KIF5A: variants seen among roughly 807,000 people sequenced by gnomAD.
The protein encoded by KIF5A is kinesin family member 5A.
KIF5A carries 35 observed loss-of-function variants against 141.3 expected under a neutral mutation model. The observed-to-expected ratio is 0.25, with a 90% CI of 0.19 to 0.33. The LOEUF is 0.33. Ranked by LOEUF, KIF5A falls within the 10% of genes least tolerant of loss-of-function variation. The probability of loss-of-function intolerance (pLI) is 1.00; values close to 1 mark genes in which losing one functional copy is unlikely to be tolerated. For synonymous variants in KIF5A, 448 were observed against 500.2 expected (o/e 0.90, Z 1.39); for missense variants, 861 against 1,314.3 (o/e 0.66, Z 5.33).
chr12:57,561,226 G>C (rs1881900978), intron 1 of KIF5A, among the ~76,000 whole-genome samples: 1 of 152,080 alleles, frequency 6.6e-6, no homozygotes, highest in Non-Finnish European at 1.5e-5. Flanking sequence ...TTTTTGTAGA[G>C]ATGGGGTTTC....
intron 1 of KIF5A, among the ~76,000 whole-genome samples, chr12:57,557,942 T>C (rs1195143464): frequency 6.6e-6 from 1 of 152,214 alleles, no homozygotes; most frequent in Non-Finnish European, 1.5e-5. Context: ...TTTATATTGT[T>C]TCCTTCTCCT....
intron 20 of KIF5A, 103 bp from the exon 21 acceptor site, chr12:57,577,609 CA>C: frequency 1.1e-6 from 1 of 894,916 alleles, no homozygotes; most frequent in Middle Eastern, 2.2e-4. Context: ...CACAAAATAA[CA>C]ATAATAGTAA....
rs752180551 is a variant in KIF5A at position 57,572,575 on chromosome 12, C to T, written c.1570-5C>T. 11 of 1,614,066 alleles carry T rather than the reference C, an allele frequency of 6.8e-6. No individual in the cohort carries two copies. The highest frequency in any genetic ancestry group is 8.5e-6 in the Non-Finnish European group (10 of 1,180,038). On this transcript the variant is annotated splice_polypyrimidine_tract_variant and splice_region_variant and intron_variant, in intron 14 of 28. Transcript: ENST00000455537. This position sits in a 1 kb window ranked among gnomAD's most constrained non-coding sequence, Gnocchi z 4.2. ...AACAGGAATGACCTGAGGGGCTGTC[C>T]CCAGGCCACCATGCTGTCCCTGGAG...
At chr12:57,569,813 G>A in intron 11 of KIF5A, 130 bp downstream of exon 11, 1 of 1,438,542 alleles carries the variant, frequency 7.0e-7, no homozygotes, top group Non-Finnish European at 9.4e-7. Flanking sequence ...CTGGACAGGT[G>A]CAGTAGAGCA....
At chr12:57,573,461 G>A (rs986930561) in intron 15 of KIF5A, among the ~76,000 whole-genome samples, 2 of 151,876 alleles carry the variant, frequency 1.3e-5, no homozygotes, top group Non-Finnish European at 2.9e-5. Context: ...AGTATGGGAG[G>A]TTGAGGCTGC....
intron 13 of KIF5A, 66 bp from the exon 14 acceptor site, chr12:57,571,995 G>T: frequency 2.1e-6 from 3 of 1,426,310 alleles, no homozygotes; most frequent in Non-Finnish European, 2.9e-6. Flanking sequence ...CAGCTTCCCA[G>T]ACCCAAGGCC....
At chr12:57,574,471 A>G (rs540769785) in intron 15 of KIF5A, among the ~76,000 whole-genome samples, 18 of 151,532 alleles carry the variant, frequency 1.2e-4, no homozygotes, top group African/African-American at 4.1e-4. Context: ...AGAGGGTTTC[A>G]CCATATTGGC....
chr12:57,572,760 T>C lies in KIF5A; in HGVS notation c.1716+34T>C. On this transcript the variant is annotated intron_variant, in intron 15 of 28. Transcript: ENST00000455537. The surrounding 1 kb of genome is among the most constrained non-coding windows in gnomAD (Gnocchi z 4.2). Reference sequence around the variant, plus strand: ...TGAGAGACAGCAGCCTTGTTCAGGCTGGGCACTAGTGGAAGACGCAAGATG... The same window carrying C: ...TGAGAGACAGCAGCCTTGTTCAGGCCGGGCACTAGTGGAAGACGCAAGATG... 6.2e-7 allele frequency: 1 copy of C among 1,613,774 alleles called. No homozygotes were observed. The highest frequency in any genetic ancestry group is 8.5e-7 in the Non-Finnish European group (1 of 1,179,676).
chr12:57,577,684 T>C (rs1378847329), intron 20 of KIF5A, 29 bp from the exon 21 acceptor site: 1 of 1,581,086 alleles, frequency 6.3e-7, no homozygotes. Context: ...TGAGGGATCT[T>C]TCCATTTCCC....
chr12:57,561,030 A>ATTTGTTTG (rs1471272975), intron 1 of KIF5A, among the ~76,000 whole-genome samples: 2 of 151,738 alleles, frequency 1.3e-5, no homozygotes, highest in Non-Finnish European at 2.9e-5. Flanking sequence ...TTTTTTGATT[A>ATTTGTTTG]TTTGTTTGTT....
intron 15 of KIF5A, 125 bp from the exon 16 acceptor site, chr12:57,574,959 G>A: frequency 1.2e-6 from 1 of 828,646 alleles, no homozygotes; most frequent in African/African-American, 1.7e-5. Context: ...AAGGTCGTTT[G>A]GAAAATACCC....
At position 57,582,637 on chromosome 12, in the gene KIF5A, A is replaced by G. The variant is rs1702287725; in HGVS notation, c.3020+8A>G. Reference sequence around the variant, plus strand: ...AGATATCAATGACAATAGGTACAACAGTCCCCACTACCCCTGGGTTCTCTG... The same window carrying G: ...AGATATCAATGACAATAGGTACAACGGTCCCCACTACCCCTGGGTTCTCTG... On this transcript the variant is annotated splice_region_variant and intron_variant, in intron 27 of 28. Coordinates refer to ENST00000455537, the MANE Select transcript of KIF5A (RefSeq NM_004984.4). 1 of 1,606,024 alleles carries G rather than the reference A, an allele frequency of 6.2e-7. No homozygotes were observed. Among genetic ancestry groups the G allele is most frequent in the Non-Finnish European group, 8.5e-7 (1 of 1,172,720 alleles).
In KIF5A at chr12:57,550,150, A is replaced by G. The variant is rs935057555; in HGVS notation, c.-122A>G. 1.4e-6 allele frequency: 2 copies of G among 1,441,304 alleles called. No homozygotes were observed. Among genetic ancestry groups the G allele is most frequent in the African/African-American group, 2.8e-5 (2 of 71,334 alleles). The allele number at this position is 1,441,304 out of a possible 1,614,324, so 89.3% of individuals were successfully genotyped here. On this transcript the variant is annotated 5_prime_UTR_variant, in exon 1 of 29. Coordinates refer to ENST00000455537, the MANE Select transcript of KIF5A (RefSeq NM_004984.4). This position sits in a 1 kb window ranked among gnomAD's most constrained non-coding sequence, Gnocchi z 4.6. The stretch of plus-strand genomic sequence containing the variant: ...CCCAGGCTTCGCCCGGGCGCCCTCA[A>G]CTCTGTCCCCAGAGACTGAGCACCT...
chr12:57,551,148 G>C (rs1015290094), intron 1 of KIF5A, among the ~76,000 whole-genome samples: 1 of 151,982 alleles, frequency 6.6e-6, no homozygotes, highest in African/African-American at 2.4e-5. Flanking sequence ...CCTTTCTCTT[G>C]AGGATCCAAT....
chr12:57,552,512 C>T (rs1881608869), intron 1 of KIF5A, among the ~76,000 whole-genome samples: 1 of 152,152 alleles, frequency 6.6e-6, no homozygotes. Flanking sequence ...GTCAATCTCT[C>T]ACTTGAAGAT....
intron 1 of KIF5A, among the ~76,000 whole-genome samples, chr12:57,559,307 C>T (rs1325142392): frequency 6.6e-6 from 1 of 152,160 alleles, no homozygotes; most frequent in African/African-American, 2.4e-5. Flanking sequence ...GAGTTGGCTC[C>T]AATTTCTATG....
At position 57,550,308 on chromosome 12, in the gene KIF5A, C is replaced by T; in HGVS notation, c.37C>T (p.Leu13Phe). ...ETNNECSIKV[L>F]CRFRPLNQAE... is the part of the protein sequence containing the mutation. ...CAACAACGAATGTAGCATCAAGGTGCTCTGCCGATTCCGGCCCCTGAACCA... is the reference window on the plus strand; with the variant it reads ...CAACAACGAATGTAGCATCAAGGTGTTCTGCCGATTCCGGCCCCTGAACCA... Residue 13 changes from leucine (L) to phenylalanine (F), a missense_variant, in exon 1 of 29, where the codon CTC becomes TTC. Coordinates refer to ENST00000455537, the MANE Select transcript of KIF5A (RefSeq NM_004984.4). This position sits in a 1 kb window ranked among gnomAD's most constrained non-coding sequence, Gnocchi z 4.6. 1 of 1,614,214 alleles carries T rather than the reference C, an allele frequency of 6.2e-7. No individual in the cohort carries two copies. Among genetic ancestry groups the T allele is most frequent in the Non-Finnish European group, 8.5e-7 (1 of 1,180,016 alleles).
Position 57,555,704 on chromosome 12 carries a change from T to C in KIF5A, c.129+5304T>C, listed in dbSNP as rs1881712306. Among the ~76,000 whole-genome samples, 4 of 148,878 alleles carry C rather than the reference T, an allele frequency of 2.7e-5. No individual in the cohort carries two copies. The South Asian group carries it at 8.6e-4, about 32-fold the overall frequency. On this transcript the variant is annotated intron_variant, in intron 1 of 28. Coordinates refer to ENST00000455537, the MANE Select transcript of KIF5A (RefSeq NM_004984.4). ...GGCGGGTGGATAACAAGGTCAGGAG[T>C]TCGACACCAGCATGGCCAACATGGT...
chr12:57,551,353 C>G (rs1046476967), intron 1 of KIF5A, among the ~76,000 whole-genome samples: 4 of 152,212 alleles, frequency 2.6e-5, no homozygotes, highest in African/African-American at 9.7e-5. Flanking sequence ...ATAACTTTCT[C>G]AAGGTCATGC....
Sources: allele counts gnomAD v4.1 joint callset (sites outside exome capture counted in the v4.1 genomes callset), GRCh38; gene constraint gnomAD v4.1.1; non-coding constraint Gnocchi (gnomAD v3.1); transcripts MANE v1.5; gene names NCBI Gene and HGNC (gene_info 2026-07-23, HGNC 2026-07-21).